GSE1: variants seen among roughly 807,000 people sequenced by gnomAD.
GSE1 encodes the protein genetic suppressor element 1.
Under a neutral mutation model 112.6 loss-of-function variants are expected in GSE1, and 32 were observed. The observed-to-expected ratio is 0.28, with a 90% CI of 0.21 to 0.38. GSE1 has a LOEUF of 0.38. GSE1 is among the 10% of genes least tolerant of loss of function. The pLI, the probability that GSE1 is intolerant of heterozygous loss-of-function variation, is 1.00. For synonymous variants in GSE1, 1,115 were observed against 735.6 expected (o/e 1.52, Z -8.35); for missense variants, 2,348 against 1,699.2 (o/e 1.38, Z -6.71).
chr16:85,262,530 G>A (rs1291042918), intron 1 of GSE1, among the ~76,000 whole-genome samples: 11 of 152,228 alleles, frequency 7.2e-5, no homozygotes, highest in African/African-American at 1.9e-4. Flanking sequence ...GCCCCACATC[G>A]GTGATTTCTA....
chr16:85,650,346 C>T (rs1027093908), intron 3 of GSE1, among the ~76,000 whole-genome samples: 3 of 152,158 alleles, frequency 2.0e-5, no homozygotes, highest in Non-Finnish European at 2.9e-5. Context: ...AGGCTCCTTG[C>T]GCCCCACTGG....
intron 2 of GSE1, among the ~76,000 whole-genome samples, chr16:85,522,892 TTGTA>T (rs1024177001): frequency 1.3e-5 from 2 of 152,012 alleles, no homozygotes; most frequent in Non-Finnish European, 1.5e-5. Context: ...TGGCTGTGTG[TTGTA>T]TGTGTGACTT....
chr16:85,586,860 A>G (rs980668748), intron 1 of GSE1, among the ~76,000 whole-genome samples: 2 of 152,228 alleles, frequency 1.3e-5, no homozygotes, highest in African/African-American at 2.4e-5. Context: ...TCAGTGCAGA[A>G]GGCACAGTAG....
At chr16:85,639,669 C>T (rs1286463443) in intron 2 of GSE1, among the ~76,000 whole-genome samples, 1 of 152,254 alleles carries the variant, frequency 6.6e-6, no homozygotes, top group Non-Finnish European at 1.5e-5. Flanking sequence ...ACCCTGAAGG[C>T]AGCCCTGAGC....
intron 1 of GSE1, among the ~76,000 whole-genome samples, chr16:85,354,599 TCCAGGAGGGA>T (rs952060990): frequency 1.3e-5 from 2 of 152,152 alleles, no homozygotes; most frequent in African/African-American, 4.8e-5. Context: ...GCCCCCCAGC[TCCAGGAGGGA>T]CCAGGAGGTG....
At chr16:85,349,313 A>G (rs2046806646) in intron 1 of GSE1, among the ~76,000 whole-genome samples, 1 of 152,084 alleles carries the variant, frequency 6.6e-6, no homozygotes, top group Non-Finnish European at 1.5e-5. Flanking sequence ...GGCGTAAAAT[A>G]CTGTTTTTGG....
chr16:85,627,044 C>CTTTTTTTTTTGTTTTTTTTTTTT, intron 1 of GSE1, among the ~76,000 whole-genome samples: 1 of 25,060 alleles, frequency 4.0e-5, no homozygotes, highest in Non-Finnish European at 7.1e-5. Flanking sequence ...TTCTTCTTGC[C>CTTTTTTTTTTGTTTTTTTTTTTT]TTTTTTTTTT....
rs61019077 is a variant in GSE1, at chr16:85,294,319, C to T, written c.2284-63144C>T. 7.9e-3 allele frequency among the ~76,000 whole-genome samples: 1,203 copies of T among 152,324 alleles called. 16 individuals are homozygous for T. Among genetic ancestry groups the T allele is most frequent in the African/African-American group, 0.027 (1,143 of 41,564 alleles). On this transcript the variant is annotated intron_variant, in intron 1 of 2. Coordinates refer to the GSE1 transcript ENST00000637419. ...TTGGTAAACCCTGGATAAATGGTCA[C>T]ATGGAACCTGTACCCTCTGGAGTCT...
chr16:85,562,604 A>G lies in GSE1; in HGVS notation c.37+6241A>G, dbSNP rs556440304. Among the ~76,000 whole-genome samples, 314 of 152,362 alleles carry G rather than the reference A, an allele frequency of 2.1e-3. 1 individual carries two copies. Among genetic ancestry groups the G allele is most frequent in the Middle Eastern group, 6.8e-3 (2 of 294 alleles). On this transcript the variant is annotated intron_variant, in intron 1 of 2. Transcript: ENST00000635906. ...GCAGGGTGGGAGCGGCAGGTGGCCC[A>G]AGCCACACAGCTCCTGGACAGAGCC...
intron 2 of GSE1, among the ~76,000 whole-genome samples, chr16:85,504,535 G>C (rs760689904): frequency 2.2e-4 from 34 of 152,334 alleles, no homozygotes; most frequent in East Asian, 1.9e-4. Flanking sequence ...TGAAGCCGAC[G>C]AGTCTTTGGG....
intron 1 of GSE1, among the ~76,000 whole-genome samples, chr16:85,598,085 G>A (rs1268599507): frequency 1.3e-5 from 2 of 151,956 alleles, no homozygotes; most frequent in East Asian, 3.9e-4. Context: ...GTTTCAGGGA[G>A]GTGTATCCCA....
intron 2 of GSE1, among the ~76,000 whole-genome samples, chr16:85,642,501 CAG>C (rs1017064427): frequency 2.4e-4 from 37 of 152,320 alleles, no homozygotes; most frequent in African/African-American, 5.3e-4. Context: ...GGGGCTGAGA[CAG>C]GGGTCTGTCG....
chr16:85,553,165 C>T (rs1381360635), upstream of GSE1, among the ~76,000 whole-genome samples: 4 of 150,244 alleles, frequency 2.7e-5, no homozygotes, highest in Non-Finnish European at 3.0e-5. Context: ...GGGCACAGAT[C>T]ATGCAGCTCG....
chr16:85,613,922 C>T (rs1459266613), intron 1 of GSE1, among the ~76,000 whole-genome samples: 1 of 151,344 alleles, frequency 6.6e-6, no homozygotes, highest in Non-Finnish European at 1.5e-5. Context: ...GCTCCCCTCC[C>T]CCTCCCCGAC....
chr16:85,656,104 T>G (rs1450353429), intron 6 of GSE1, among the ~76,000 whole-genome samples, 187 bp downstream of exon 6: 1 of 152,110 alleles, frequency 6.6e-6, no homozygotes, highest in Non-Finnish European at 1.5e-5. Flanking sequence ...TCGGTAGCCG[T>G]GGTCTCCTGC....
At chr16:85,307,515 G>A (rs1597353918) in intron 1 of GSE1, among the ~76,000 whole-genome samples, 1 of 152,246 alleles carries the variant, frequency 6.6e-6, no homozygotes, top group Admixed American at 6.5e-5. Flanking sequence ...CCCATGGGGT[G>A]AGCCCAGGAG....
chr16:85,464,698 G>T (rs1271458994), intron 2 of GSE1, among the ~76,000 whole-genome samples: 1 of 152,238 alleles, frequency 6.6e-6, no homozygotes, highest in Non-Finnish European at 1.5e-5. Context: ...ATCCTGTGCT[G>T]CTCCTCCTCT....
chr16:85,553,833 T>C (rs967577115), upstream of GSE1, among the ~76,000 whole-genome samples: 1 of 152,170 alleles, frequency 6.6e-6, no homozygotes, highest in African/African-American at 2.4e-5. Context: ...CTCTAGGGTA[T>C]CGTATTCCGG....
At chr16:85,349,410 G>A (rs957877155) in intron 1 of GSE1, among the ~76,000 whole-genome samples, 3 of 152,270 alleles carry the variant, frequency 2.0e-5, no homozygotes, top group East Asian at 1.9e-4. Flanking sequence ...GCTTTGGTGC[G>A]GGGCCACAGC....
Sources: allele counts gnomAD v4.1 joint callset (sites outside exome capture counted in the v4.1 genomes callset), GRCh38; gene constraint gnomAD v4.1.1; transcripts MANE v1.5; gene names NCBI Gene and HGNC (gene_info 2026-07-23, HGNC 2026-07-21).